KIF1B: variants seen among roughly 807,000 people sequenced by gnomAD.
KIF1B encodes the protein kinesin family member 1B, also known as kinesin-like protein KIF1B.
A neutral mutation model predicts 241.9 loss-of-function variants in KIF1B; 76 were observed. The ratio of observed to expected loss-of-function variants is 0.31; its 90% CI spans 0.26 to 0.38. KIF1B has a LOEUF of 0.38. KIF1B is among the 10% of genes least tolerant of loss of function. The pLI, the probability that KIF1B is intolerant of heterozygous loss-of-function variation, is 1.00. For missense variants in KIF1B, 1,622 were observed against 2,271.4 expected (o/e 0.71, Z 5.81); for synonymous variants, 750 against 796.7 (o/e 0.94, Z 0.99).
At chr1:10,341,975 A>T in intron 32 of KIF1B, 75 bp from the exon 33 acceptor site, 1 of 1,027,944 alleles carries the variant, frequency 9.7e-7, no homozygotes, top group Non-Finnish European at 1.5e-6. Flanking sequence ...AAAACCCAAA[A>T]TACGTACTAA....
chr1:10,290,127 TTTAAA>T (rs1171364259), intron 15 of KIF1B, among the ~76,000 whole-genome samples: 9 of 152,140 alleles, frequency 5.9e-5, no homozygotes, highest in Admixed American at 2.0e-4. Flanking sequence ...TTTCGTTCTT[TTTAAA>T]TTAAATTAAA....
intron 31 of KIF1B, among the ~76,000 whole-genome samples, chr1:10,338,196 C>G (rs1217640548): frequency 1.3e-5 from 2 of 151,974 alleles, no homozygotes; most frequent in Non-Finnish European, 2.9e-5. Context: ...GAAGTGTGAC[C>G]CCTCCATACC....
rs746980680 is a variant in KIF1B at position 10,347,812 on chromosome 1, A to G, written c.3849A>G (p.Thr1283=). The change falls in exon 36 of 49, where the codon ACA becomes ACG. Residue 1283 remains threonine, a synonymous_variant. Coordinates refer to ENST00000676179, the MANE Select transcript of KIF1B (RefSeq NM_001365951.3). ...CAGCAGGCTTGCCTTGCCAGGGGACATTTTTGCTTCATCAGGTACTAATGA... is the reference window on the plus strand; with the variant it reads ...CAGCAGGCTTGCCTTGCCAGGGGACGTTTTTGCTTCATCAGGTACTAATGA... ...DHTAGLPCQG[T]FLLHQGIQRR... 9.3e-6 allele frequency: 15 copies of G among 1,613,226 alleles called. No individual in the cohort carries two copies. The highest frequency in any genetic ancestry group is 8.8e-5 in the South Asian group (8 of 91,064).
At chr1:10,222,526 A>C (rs1646858666) in intron 1 of KIF1B, among the ~76,000 whole-genome samples, 1 of 152,204 alleles carries the variant, frequency 6.6e-6, no homozygotes, top group Non-Finnish European at 1.5e-5. Flanking sequence ...GAATGCTACA[A>C]ACACAAACCA....
At chr1:10,344,279 C>T (rs1652508366) in intron 34 of KIF1B, among the ~76,000 whole-genome samples, 1 of 152,132 alleles carries the variant, frequency 6.6e-6, no homozygotes. Context: ...GAGAGGGTAC[C>T]CAAACGAGAT....
chr1:10,357,665 A>T (rs1638290279), intron 38 of KIF1B, among the ~76,000 whole-genome samples: 1 of 152,148 alleles, frequency 6.6e-6, no homozygotes, highest in African/African-American at 2.4e-5. Context: ...CCCAGGAGTT[A>T]GATTGCACCA....
intron 1 of KIF1B, among the ~76,000 whole-genome samples, chr1:10,218,502 C>T (rs1257648603): frequency 6.6e-6 from 1 of 151,600 alleles, no homozygotes. Context: ...CTCACTGCAA[C>T]CTTCATCTCC....
At chr1:10,373,111 G>A (rs764672455) in intron 45 of KIF1B, among the ~76,000 whole-genome samples, 10 of 151,440 alleles carry the variant, frequency 6.6e-5, no homozygotes, top group Middle Eastern at 3.2e-3. Context: ...CACTGCACCC[G>A]GCCACACCCA....
intron 43 of KIF1B, among the ~76,000 whole-genome samples, chr1:10,366,090 G>GAA (rs1638563422): frequency 6.6e-6 from 1 of 152,002 alleles, no homozygotes; most frequent in Non-Finnish European, 1.5e-5. Flanking sequence ...AATTAGCCAG[G>GAA]CGTGGTGGCG....
At chr1:10,345,374 AG>A (rs1317492994) in intron 34 of KIF1B, among the ~76,000 whole-genome samples, 1 of 152,166 alleles carries the variant, frequency 6.6e-6, no homozygotes, top group Non-Finnish European at 1.5e-5. Context: ...CTGGACTTTA[AG>A]GTCCCCAGGT....
chr1:10,286,102 C>T (rs552071584), intron 15 of KIF1B, among the ~76,000 whole-genome samples: 5 of 151,816 alleles, frequency 3.3e-5, no homozygotes, highest in Non-Finnish European at 7.4e-5. Context: ...TGCAGTGACG[C>T]GATCTCGGCT....
intron 5 of KIF1B, among the ~76,000 whole-genome samples, chr1:10,265,423 G>C (rs762601175): frequency 2.6e-5 from 4 of 151,872 alleles, no homozygotes; most frequent in Non-Finnish European, 5.9e-5. Context: ...TTTGGTAGAA[G>C]TGGGGTTTTA....
chr1:10,296,587 G>T lies in KIF1B; in HGVS notation c.1783G>T (p.Val595Leu). Reference protein sequence around the residue: ...SERSNSGEVIVTLEPCERSET... With the variant: ...SERSNSGEVILTLEPCERSET... Reference sequence around the variant, plus strand: ...TTTGTGTTTGTTCCTCTTAGTTATCGTGACCTTAGAGCCCTGTGAGCGCTC... The same window carrying T: ...TTTGTGTTTGTTCCTCTTAGTTATCTTGACCTTAGAGCCCTGTGAGCGCTC... The change falls in exon 20 of 49, where the codon GTG becomes TTG. Residue 595 changes from valine (V) to leucine (L), a missense_variant. Coordinates refer to ENST00000676179, the MANE Select transcript of KIF1B (RefSeq NM_001365951.3). The T allele has an allele frequency of 3.7e-6, 6 of 1,612,966 alleles. No individual in the cohort carries two copies. Among genetic ancestry groups the T allele is most frequent in the Non-Finnish European group, 4.2e-6 (5 of 1,179,228 alleles).
chr1:10,214,772 G>A (rs1161311310), intron 1 of KIF1B, among the ~76,000 whole-genome samples: 2 of 151,394 alleles, frequency 1.3e-5, no homozygotes, highest in African/African-American at 4.9e-5. Flanking sequence ...TAGTAGAGAC[G>A]GGGTTTCACC....
At position 10,352,667 on chromosome 1, in the gene KIF1B, C is replaced by G; in HGVS notation, c.3986C>G (p.Ala1329Gly). 1.2e-6 allele frequency: 2 copies of G among 1,613,974 alleles called. No individual in the cohort carries two copies. Among genetic ancestry groups the G allele is most frequent in the Non-Finnish European group, 1.7e-6 (2 of 1,179,910 alleles). Residue 1329 changes from alanine to glycine, a missense_variant, in exon 38 of 49, where the codon GCA (alanine) becomes GGA (glycine). Coordinates refer to ENST00000676179, the MANE Select transcript of KIF1B (RefSeq NM_001365951.3). The stretch of plus-strand genomic sequence containing the variant: ...AATAAGCCTGAGGTGGATGAAGCTG[C>G]AGTTGATGCCATCCTCTCCCTAAAT... ...IRNKPEVDEA[A>G]VDAILSLNII... is the part of the protein sequence containing the mutation.
intron 25 of KIF1B, among the ~76,000 whole-genome samples, chr1:10,324,437 A>T (rs1191267456): frequency 1.3e-5 from 2 of 152,180 alleles, no homozygotes; most frequent in African/African-American, 4.8e-5. Context: ...CATGTAGTAT[A>T]ATGAGGTATT....
chr1:10,317,138 T>G (rs1651336499), intron 22 of KIF1B, among the ~76,000 whole-genome samples: 1 of 151,596 alleles, frequency 6.6e-6, no homozygotes, highest in African/African-American at 2.4e-5. Context: ...CCAAGCCTCT[T>G]TAGCCTCGAG....
Position 10,259,583 on chromosome 1 carries a change from A to G in KIF1B, c.363+911A>G, listed in dbSNP as rs181635869. On this transcript the variant is annotated intron_variant, in intron 4 of 48. Coordinates refer to ENST00000676179, the MANE Select transcript of KIF1B (RefSeq NM_001365951.3). ...AATGGCGCCATCTTGGCTCACTGCA[A>G]CCTCCGCCTCCTGGGTTCAAGTGAT... Among the ~76,000 whole-genome samples, 335 of 151,156 alleles carry G rather than the reference A, an allele frequency of 2.2e-3. 2 individuals are homozygous for G. Among genetic ancestry groups the G allele is most frequent in the African/African-American group, 7.9e-3 (323 of 41,096 alleles).
intron 14 of KIF1B, among the ~76,000 whole-genome samples, chr1:10,279,624 G>A (rs1649300665): frequency 6.6e-6 from 1 of 151,012 alleles, no homozygotes; most frequent in Non-Finnish European, 1.5e-5. Context: ...AGACTCATGA[G>A]TGCTTGTGCT....
Sources: gnomAD v4.1 joint callset for allele counts (sites outside exome capture counted in the v4.1 genomes callset) on GRCh38, gnomAD v4.1.1 for gene constraint, MANE v1.5 for transcripts, NCBI Gene and HGNC (gene_info 2026-07-23, HGNC 2026-07-21) for gene names.